IRAG1: variants seen among roughly 807,000 people sequenced by gnomAD.
The protein encoded by IRAG1 is inositol 1,4,5-triphosphate receptor associated 1, also known as IP3R-associated cGMP kinase substrate.
A neutral mutation model predicts 106.2 loss-of-function variants in IRAG1; 62 were observed. That is an observed-to-expected ratio of 0.58 (90% confidence interval 0.48 to 0.72). IRAG1 has a LOEUF of 0.72. IRAG1 is among the 30% of genes least tolerant of loss of function. IRAG1 has a pLI of 0.00. For missense variants in IRAG1, 1,064 were observed against 1,140.7 expected, an observed-to-expected ratio of 0.93 and a Z score of 0.97; for synonymous variants, 462 against 443.9, an observed-to-expected ratio of 1.04 and a Z score of -0.51.
At chr11:10,627,904 C>CT in intron 7 of IRAG1, 69 bp downstream of exon 7, 1 of 1,577,098 alleles carries the variant, frequency 6.3e-7, no homozygotes. Flanking sequence ...GAAGGGCCTC[C>CT]TGGTGTTCGG....
intron 10 of IRAG1, among the ~76,000 whole-genome samples, chr11:10,616,182 G>GC (rs1855407616): frequency 6.6e-6 from 1 of 151,152 alleles, no homozygotes; most frequent in Non-Finnish European, 1.5e-5. Flanking sequence ...GCGAGCGCCT[G>GC]TAGTCCCGGC....
At chr11:10,649,461 A>T (rs542030371) in intron 2 of IRAG1, among the ~76,000 whole-genome samples, 1 of 152,308 alleles carries the variant, frequency 6.6e-6, no homozygotes, top group South Asian at 2.1e-4. Flanking sequence ...AACCAGCAGC[A>T]CAGCAAAGTT....
chr11:10,584,592 G>A (rs893251020), intron 18 of IRAG1, among the ~76,000 whole-genome samples: 1 of 112,042 alleles, frequency 8.9e-6, no homozygotes, highest in Admixed American at 9.9e-5. Context: ...TATATGAAAT[G>A]AGATATTGGT....
At position 10,576,456 on chromosome 11, in the gene IRAG1, T is replaced by C; in HGVS notation, c.2615A>G (p.Tyr872Cys). ...MLVLTVVLGL[Y>C]NSYNSCAEQA... ...CTCTGCACAAGAGTTATAGGAATTG[T>C]AGAGCCCCAGCACAACAGTCAAGAC... is the stretch of plus-strand genomic sequence containing the variant. The change falls in exon 21 of 21, where the codon TAC (tyrosine) becomes TGC (cysteine). Residue 872 changes from tyrosine (Y) to cysteine (C), a missense_variant. Physicochemically the swap from Tyr to Cys is radical, Grantham distance 194. Coordinates refer to ENST00000423302, the MANE Select transcript of IRAG1 (RefSeq NM_130385.4). The C allele has an allele frequency of 6.2e-7, 1 of 1,613,984 alleles. No individual in the cohort carries two copies. The highest frequency in any genetic ancestry group is 8.5e-7 in the Non-Finnish European group (1 of 1,179,882).
intron 15 of IRAG1, among the ~76,000 whole-genome samples, chr11:10,595,492 C>A (rs972896707): frequency 2.6e-5 from 4 of 152,118 alleles, no homozygotes; most frequent in East Asian, 1.9e-4. Flanking sequence ...GCTCTCTATT[C>A]TTTTCTTGAA....
chr11:10,611,063 C>T (rs1394322558), intron 10 of IRAG1, among the ~76,000 whole-genome samples: 1 of 152,040 alleles, frequency 6.6e-6, no homozygotes, highest in African/African-American at 2.4e-5. Context: ...CCAAAGGAGA[C>T]CATGAAGAGA....
intron 12 of IRAG1, among the ~76,000 whole-genome samples, chr11:10,606,263 A>T (rs1327936008): frequency 6.6e-6 from 1 of 152,224 alleles, no homozygotes; most frequent in Admixed American, 6.5e-5. Flanking sequence ...GGCCCCAGTG[A>T]GGAAACCGGA....
At position 10,659,579 on chromosome 11, in the gene IRAG1, T is replaced by G. The variant is rs1394443105; in HGVS notation, c.68-7397A>C. 1.3e-5 allele frequency among the ~76,000 whole-genome samples: 2 copies of G among 152,172 alleles called. No homozygotes were observed. Among genetic ancestry groups the G allele is most frequent in the Non-Finnish European group, 2.9e-5 (2 of 68,026 alleles). On this transcript the variant is annotated intron_variant, in intron 1 of 20. Transcript: ENST00000423302. The surrounding 1 kb of genome is among the most constrained non-coding windows in gnomAD (Gnocchi z 4.1). The stretch of plus-strand genomic sequence containing the variant: ...TCTCCAGCCCTGCTCTCCGCTCCTG[T>G]GGAGCTCGTATAGGCTTTGTTGGCT...
intron 1 of IRAG1, among the ~76,000 whole-genome samples, chr11:10,680,340 G>GAAAGAAAGAAAGAAAGAAA (rs1564942325): frequency 7.3e-5 from 5 of 68,746 alleles, no homozygotes; most frequent in African/African-American, 2.7e-4. Flanking sequence ...AAGGAAGGAA[G>GAAAGAAAGAAAGAAAGAAA]GAAGGAAAGA....
At chr11:10,662,297 C>T (rs1359602674) in intron 1 of IRAG1, among the ~76,000 whole-genome samples, 1 of 152,240 alleles carries the variant, frequency 6.6e-6, no homozygotes, top group Non-Finnish European at 1.5e-5. Flanking sequence ...AAGTGGGTGG[C>T]CTTGCCTGCC....
chr11:10,599,636 T>G (rs1853739564), intron 15 of IRAG1: 1 of 152,244 alleles, frequency 6.6e-6, no homozygotes, highest in African/African-American at 2.4e-5. Context: ...TCTGTTATAC[T>G]TTCTGTACTT....
intron 2 of IRAG1, among the ~76,000 whole-genome samples, chr11:10,639,293 G>T (rs7936275): frequency 0.24 from 35,966 of 152,110 alleles, 4,700 homozygotes; most frequent in Middle Eastern, 0.34. Flanking sequence ...TAAAATATAA[G>T]ATATAAAAAC....
Position 10,693,635 on chromosome 11 carries a change from C to T in IRAG1, c.-33G>A. 1 of 1,534,008 alleles carries T rather than the reference C, an allele frequency of 6.5e-7. No homozygotes were observed. Among genetic ancestry groups the T allele is most frequent in the Non-Finnish European group, 8.7e-7 (1 of 1,146,684 alleles). On this transcript the variant is annotated 5_prime_UTR_variant, in exon 1 of 21. Coordinates refer to ENST00000423302, the MANE Select transcript of IRAG1 (RefSeq NM_130385.4). ...CAATGTTACATCTGGCTCCGGAGCTCAGAGCCGAGAAGCCTCTGGCTGCAG... is the reference window on the plus strand; with the variant it reads ...CAATGTTACATCTGGCTCCGGAGCTTAGAGCCGAGAAGCCTCTGGCTGCAG...
chr11:10,670,468 T>C (rs930563859), intron 1 of IRAG1, among the ~76,000 whole-genome samples: 4 of 152,198 alleles, frequency 2.6e-5, no homozygotes, highest in Non-Finnish European at 5.9e-5. Flanking sequence ...ATTCTGGCCA[T>C]AGGTCACTGT....
In IRAG1 at chr11:10,625,971, G is replaced by A. The variant is rs1297859179; in HGVS notation, c.1363C>T (p.Arg455Ter). Reference sequence around the variant, plus strand: ...ACTGGCCCCCAGGAACCCACCTCTCGGAGCTTGGTCAGTTTCTGCATCCGC... The same window carrying A: ...ACTGGCCCCCAGGAACCCACCTCTCAGAGCTTGGTCAGTTTCTGCATCCGC... ...PVRMQKLTKLREEHILMRNQN... is the reference protein window; with the variant it reads ...PVRMQKLTKL The change falls in exon 9 of 21, where the codon CGA becomes TGA. Residue 455 changes from arginine to a stop codon, truncating the protein, a stop_gained. Coordinates refer to ENST00000423302, the MANE Select transcript of IRAG1 (RefSeq NM_130385.4). LOFTEE classifies it high-confidence loss of function. 3.4e-6 allele frequency: 5 copies of A among 1,473,044 alleles called. No individual in the cohort carries two copies. Among genetic ancestry groups the A allele is most frequent in the Non-Finnish European group, 4.5e-6 (5 of 1,111,366 alleles). 91.2% of individuals were successfully genotyped at this position (1,473,044 alleles called of 1,614,324 possible).
At chr11:10,651,753 G>A (rs1472522182) in intron 2 of IRAG1, among the ~76,000 whole-genome samples, 1 of 152,238 alleles carries the variant, frequency 6.6e-6, no homozygotes, top group Non-Finnish European at 1.5e-5. Flanking sequence ...GAGGGAGCCT[G>A]CATGGTTTGT....
At position 10,576,110 on chromosome 11, in the gene IRAG1, T is replaced by C. The variant is rs1193080093; in HGVS notation, c.*222A>G. 1.7e-6 allele frequency: 1 copy of C among 574,642 alleles called. No individual in the cohort carries two copies. Among genetic ancestry groups the C allele is most frequent in the East Asian group, 3.1e-5 (1 of 32,730 alleles). The allele number at this position is 574,642 out of a possible 1,614,324, so 35.6% of individuals were successfully genotyped here. On this transcript the variant is annotated 3_prime_UTR_variant, in exon 21 of 21. Coordinates refer to ENST00000423302, the MANE Select transcript of IRAG1 (RefSeq NM_130385.4). ...TTCCTTGGTGAAGGTGACTTCTTCATCCACTGGATGCTTTCCCAGGGCAGT... is the reference window on the plus strand; with the variant it reads ...TTCCTTGGTGAAGGTGACTTCTTCACCCACTGGATGCTTTCCCAGGGCAGT...
At chr11:10,646,275 T>C (rs796613008) in intron 2 of IRAG1, among the ~76,000 whole-genome samples, 9 of 152,330 alleles carry the variant, frequency 5.9e-5, no homozygotes, top group African/African-American at 2.2e-4. Context: ...TTTGGGAGTG[T>C]GGAAAAACAC....
At chr11:10,579,459 T>G (rs1227198099) in intron 20 of IRAG1, among the ~76,000 whole-genome samples, 1 of 152,106 alleles carries the variant, frequency 6.6e-6, no homozygotes, top group Non-Finnish European at 1.5e-5. Flanking sequence ...TAGATTTTGG[T>G]GAAGGTTTTC....
Sources: gnomAD v4.1 joint callset for allele counts (sites outside exome capture counted in the v4.1 genomes callset) on GRCh38, gnomAD v4.1.1 for gene constraint, Gnocchi (gnomAD v3.1) non-coding constraint, MANE v1.5 for transcripts, NCBI Gene and HGNC (gene_info 2026-07-23, HGNC 2026-07-21) for gene names.